The following KIRREL3 variants were observed in gnomAD, a reference collection of about 807,000 sequenced individuals.
The protein encoded by KIRREL3 is kirre like nephrin family adhesion molecule 3.
KIRREL3 carries 36 observed loss-of-function variants against 89.7 expected under a neutral mutation model. The observed-to-expected ratio is 0.40, with a 90% confidence interval of 0.31 to 0.53. The LOEUF (loss-of-function observed/expected upper bound fraction) is 0.53, where lower values mean the gene tolerates loss of function less well. Ranked by LOEUF, KIRREL3 falls within the 20% of genes least tolerant of loss-of-function variation. KIRREL3 has a pLI of 0.49. For synonymous variants in KIRREL3, 445 were observed against 441.4 expected (o/e 1.01, Z -0.10); for missense variants, 864 against 1,056.6 (o/e 0.82, Z 2.53).
At chr11:126,956,575 G>A (rs547954425) in intron 1 of KIRREL3, among the ~76,000 whole-genome samples, 1 of 152,314 alleles carries the variant, frequency 6.6e-6, no homozygotes, top group East Asian at 1.9e-4. Flanking sequence ...AAGGAGACGT[G>A]ACTCCAGTAA....
At chr11:126,735,931 C>T (rs1253719017) in intron 1 of KIRREL3, among the ~76,000 whole-genome samples, 1 of 152,184 alleles carries the variant, frequency 6.6e-6, no homozygotes, top group Admixed American at 6.5e-5. Flanking sequence ...TATTTCCAGG[C>T]CCCCACCTTC....
At chr11:126,613,893 T>TTTTTTTTTTTTTTTTTTTTTTTG (rs371748740) in intron 1 of KIRREL3, among the ~76,000 whole-genome samples, 1 of 118,650 alleles carries the variant, frequency 8.4e-6, no homozygotes, top group Non-Finnish European at 1.7e-5. Context: ...TTTTTTTTTT[T>TTTTTTTTTTTTTTTTTTTTTTTG]ATTTTTTTCC....
rs1343323855 is a variant in KIRREL3 at position 126,561,253 on chromosome 11, C to T, written c.133+1582G>A. Among the ~76,000 whole-genome samples the T allele has an allele frequency of 3.3e-5, 5 of 152,198 alleles. No individual in the cohort carries two copies. Among genetic ancestry groups the T allele is most frequent in the African/African-American group, 4.8e-5 (2 of 41,434 alleles). ...GCCCCACTGCCTCACCCTCCTCTTA[C>T]CCTGTCTCTGAGTTGTTAGTTGAGA... On this transcript the variant is annotated intron_variant, in intron 2 of 16. Transcript: ENST00000525144. This position sits in a 1 kb window ranked among gnomAD's most constrained non-coding sequence, Gnocchi z 4.5.
At chr11:126,470,613 TG>T (rs996008843) in intron 5 of KIRREL3, among the ~76,000 whole-genome samples, 17 of 152,160 alleles carry the variant, frequency 1.1e-4, no homozygotes, top group African/African-American at 4.1e-4. Flanking sequence ...CTTAGAGGAC[TG>T]GTGGGTAGGG....
At position 127,000,417 on chromosome 11, in the gene KIRREL3, C is replaced by T; in HGVS notation, c.55+38G>A. ...AGCCTCCCGCGCCCTGACAACCCAG[C>T]CGACTTTCTTCCAACTCCAGCAGCG... is the stretch of plus-strand genomic sequence containing the variant. On this transcript the variant is annotated intron_variant, in intron 1 of 16. Transcript: ENST00000525144. The surrounding 1 kb of genome is among the most constrained non-coding windows in gnomAD (Gnocchi z 7.1). The T allele has an allele frequency of 6.4e-7, 1 of 1,565,250 alleles. No homozygotes were observed. Among genetic ancestry groups the T allele is most frequent in the East Asian group, 2.4e-5 (1 of 42,096 alleles).
chr11:126,859,496 G>C (rs1016337688), intron 1 of KIRREL3, among the ~76,000 whole-genome samples: 4 of 152,170 alleles, frequency 2.6e-5, no homozygotes, highest in Non-Finnish European at 4.4e-5. Context: ...CAGCCTCAAA[G>C]GACAGGAGGA....
chr11:126,654,693 C>T (rs1453949607), intron 1 of KIRREL3, among the ~76,000 whole-genome samples: 1 of 152,224 alleles, frequency 6.6e-6, no homozygotes, highest in East Asian at 1.9e-4. Flanking sequence ...GGCAACCACA[C>T]AGCCGACATC....
intron 1 of KIRREL3, among the ~76,000 whole-genome samples, chr11:126,910,598 C>T (rs1253167298): frequency 6.6e-6 from 1 of 152,172 alleles, no homozygotes; most frequent in African/African-American, 2.4e-5. Flanking sequence ...TTACAAGAAT[C>T]CCACGAGGTA....
At position 126,990,068 on chromosome 11, in the gene KIRREL3, G is replaced by A. The variant is rs984316835; in HGVS notation, c.55+10387C>T. Among the ~76,000 whole-genome samples, 5 of 152,172 alleles carry A rather than the reference G, an allele frequency of 3.3e-5. No homozygotes were observed. Among genetic ancestry groups the A allele is most frequent in the African/African-American group, 4.8e-5 (2 of 41,444 alleles). On this transcript the variant is annotated intron_variant, in intron 1 of 16. Transcript: ENST00000525144. This position sits in a 1 kb window ranked among gnomAD's most constrained non-coding sequence, Gnocchi z 6.3. ...AATCACTCCTTGTGGAAGGGAAAAC[G>A]CCTGGAGCGGGGCAGGGGGCACAGG...
intron 1 of KIRREL3, among the ~76,000 whole-genome samples, chr11:126,810,435 A>T (rs559199331): frequency 6.6e-6 from 1 of 152,226 alleles, no homozygotes; most frequent in South Asian, 2.1e-4. Flanking sequence ...TCTGGTCAGC[A>T]CTTTAAAAAT....
chr11:126,600,781 C>T (rs1445228353), intron 1 of KIRREL3, among the ~76,000 whole-genome samples: 1 of 152,234 alleles, frequency 6.6e-6, no homozygotes, highest in Non-Finnish European at 1.5e-5. Context: ...GCTCCTTATA[C>T]ACCTTTGATC....
At chr11:126,935,114 A>G (rs1948130126) in intron 1 of KIRREL3, 1 of 152,032 alleles carries the variant, frequency 6.6e-6, no homozygotes, top group Non-Finnish European at 1.5e-5. Context: ...TCAAATATGC[A>G]TATGAAAAAA....
At chr11:126,921,607 TA>T (rs59235090) in intron 1 of KIRREL3, among the ~76,000 whole-genome samples, 34,778 of 85,774 alleles carry the variant, frequency 0.41, 8,285 homozygotes, top group Middle Eastern at 0.6. Context: ...TCTATCTATC[TA>T]TCTATCTATC....
chr11:126,863,615 G>GTA lies in KIRREL3; in HGVS notation c.55+136839_55+136840insTA, dbSNP rs1944817260. Among the ~76,000 whole-genome samples the GTA allele has an allele frequency of 4.1e-4, 19 of 46,720 alleles. 1 individual carries two copies. The highest frequency in any genetic ancestry group is 2.2e-3 in the African/African-American group (18 of 8,340). 30.7% of individuals were successfully genotyped at this position (46,720 alleles called of 152,430 possible). On this transcript the variant is annotated intron_variant, in intron 1 of 16. Transcript: ENST00000525144. ...TTTGAGTGCGTGTGTGTTTGCGTGCGTGTGTGTGTGTTTGAGTGCGTGTGT... is the reference window on the plus strand; with the variant it reads ...TTTGAGTGCGTGTGTGTTTGCGTGCGTATGTGTGTGTGTTTGAGTGCGTGTGT...
Position 126,574,684 on chromosome 11 carries a change from T to C in KIRREL3, c.56-11772A>G, listed in dbSNP as rs1358990507. ...GGCTGGGATAGTGTGTGCTTACATGTGTGCACGCATTTGGAGAAAGGGAAG... is the reference window on the plus strand; with the variant it reads ...GGCTGGGATAGTGTGTGCTTACATGCGTGCACGCATTTGGAGAAAGGGAAG... On this transcript the variant is annotated intron_variant, in intron 1 of 16. Coordinates refer to ENST00000525144, the MANE Select transcript of KIRREL3 (RefSeq NM_032531.4). The surrounding 1 kb of genome is among the most constrained non-coding windows in gnomAD (Gnocchi z 5.3). Among the ~76,000 whole-genome samples the C allele has an allele frequency of 1.3e-5, 2 of 152,254 alleles. No homozygotes were observed. The highest frequency in any genetic ancestry group is 3.4e-3 in the Middle Eastern group (1 of 294).
chr11:126,993,503 C>G lies in KIRREL3; in HGVS notation c.55+6952G>C, dbSNP rs867596923. Among the ~76,000 whole-genome samples the G allele has an allele frequency of 6.6e-6, 1 of 152,220 alleles. No individual in the cohort carries two copies. The highest frequency in any genetic ancestry group is 1.5e-5 in the Non-Finnish European group (1 of 68,038). ...TGTCATCTCCTCTGTGCAACCTTTT[C>G]TGATGCCTTTGCTGATCCACCTGTT... is the stretch of plus-strand genomic sequence containing the variant. On this transcript the variant is annotated intron_variant, in intron 1 of 16. Coordinates refer to ENST00000525144, the MANE Select transcript of KIRREL3 (RefSeq NM_032531.4). The surrounding 1 kb of genome is among the most constrained non-coding windows in gnomAD (Gnocchi z 6.1).
At chr11:126,629,022 A>T (rs1259538474) in intron 1 of KIRREL3, among the ~76,000 whole-genome samples, 1 of 152,300 alleles carries the variant, frequency 6.6e-6, no homozygotes, top group Admixed American at 6.5e-5. Flanking sequence ...CAGGCAGAAG[A>T]TTTTAATTAA....
intron 1 of KIRREL3, among the ~76,000 whole-genome samples, chr11:126,869,293 T>A (rs1470694927): frequency 1.3e-5 from 2 of 151,864 alleles, no homozygotes; most frequent in Admixed American, 6.6e-5. Flanking sequence ...GTGGGGATGA[T>A]GCTGAGGGCT....
At chr11:126,923,724 A>C (rs1947575191) in intron 1 of KIRREL3, among the ~76,000 whole-genome samples, 1 of 152,120 alleles carries the variant, frequency 6.6e-6, no homozygotes, top group Non-Finnish European at 1.5e-5. Context: ...GATTACAGGC[A>C]TGAGCCACCG....
Sources: allele counts gnomAD v4.1 joint callset (sites outside exome capture counted in the v4.1 genomes callset), GRCh38; gene constraint gnomAD v4.1.1; non-coding constraint Gnocchi (gnomAD v3.1); transcripts MANE v1.5; gene names NCBI Gene and HGNC (gene_info 2026-07-23, HGNC 2026-07-21).